FAM151B: variants seen among roughly 807,000 people sequenced by gnomAD.
FAM151B encodes the protein family with sequence similarity 151 member B, also known as protein FAM151B.
A neutral mutation model predicts 31.2 loss-of-function variants in FAM151B; 24 were observed. That is an observed-to-expected ratio of 0.77 (90% CI 0.56 to 1.08). FAM151B has a LOEUF of 1.08. Ranked by LOEUF, FAM151B falls within the 50% of genes least tolerant of loss-of-function variation. The pLI is 0.00. For missense variants in FAM151B, 293 were observed against 328.6 expected (o/e 0.89, Z 0.84); for synonymous variants, 105 against 111.4 (o/e 0.94, Z 0.36).
intron 5 of FAM151B, among the ~76,000 whole-genome samples, chr5:80,532,496 A>T (rs1385051254): frequency 6.6e-6 from 1 of 152,216 alleles, no homozygotes. Flanking sequence ...GAGCACCCAG[A>T]TATATAAAGC....
At position 80,538,426 on chromosome 5, in the gene FAM151B, T is replaced by TTCTTTCTTTCTTTCTTTC. The variant is rs1561383305; in HGVS notation, c.672-3245_672-3228dup. 4.7e-3 allele frequency among the ~76,000 whole-genome samples: 264 copies of TTCTTTCTTTCTTTCTTTC among 56,360 alleles called. 1 individual carries two copies. The highest frequency in any genetic ancestry group is 8.5e-3 in the Middle Eastern group (1 of 118). The allele number at this position is 56,360 out of a possible 152,430, so 37.0% of individuals were successfully genotyped here. A position where few individuals can be genotyped will look rare whatever the true frequency, so the allele number is the denominator to read the frequency against. ...TTTCTTTCTTTCTTTCTTTCTTTCT[T>TTCTTTCTTTCTTTCTTTC]TCTTTCTTTCTTTCTTTCTTTCTCT... On this transcript the variant is annotated intron_variant, in intron 5 of 5. Coordinates refer to ENST00000282226, the MANE Select transcript of FAM151B (RefSeq NM_205548.3).
At chr5:80,530,640 C>A (rs558635166) in intron 5 of FAM151B, among the ~76,000 whole-genome samples, 2 of 152,238 alleles carry the variant, frequency 1.3e-5, no homozygotes, top group African/African-American at 2.4e-5. Flanking sequence ...TTCACAATTG[C>A]TTCAAAGAGA....
rs755735123 is a variant in FAM151B at position 80,522,052 on chromosome 5, AAGTC to A, written c.588_591del (p.Gln197LeufsTer2). The A allele has an allele frequency of 6.8e-6, 11 of 1,612,590 alleles. No homozygotes were observed. The highest frequency in any genetic ancestry group is 9.3e-6 in the Non-Finnish European group (11 of 1,178,838). ...AGATGGAATATATATGTAATGAACT[AAGTC>A]AGCCTGTAACGTTCCCTGTCAGAGC... On this transcript the variant is annotated frameshift_variant, in exon 5 of 6. Coordinates refer to ENST00000282226, the MANE Select transcript of FAM151B (RefSeq NM_205548.3). LOFTEE classifies it high-confidence loss of function.
chr5:80,507,892 A>G (rs1744033780), intron 2 of FAM151B, among the ~76,000 whole-genome samples: 1 of 152,026 alleles, frequency 6.6e-6, no homozygotes, highest in Admixed American at 6.6e-5. Context: ...GCTGTCACAC[A>G]CATTCTTTCC....
chr5:80,488,299 C>A, intron 1 of FAM151B, 151 bp downstream of exon 1: 1 of 1,036,538 alleles, frequency 9.6e-7, no homozygotes, highest in African/African-American at 1.7e-5. Context: ...TTGGAGCCCG[C>A]TCTGCACTCG....
intron 5 of FAM151B, among the ~76,000 whole-genome samples, chr5:80,538,464 T>TTCTTTC (rs1745675922): frequency 1.8e-5 from 2 of 108,314 alleles, no homozygotes; most frequent in Admixed American, 9.3e-5. Flanking sequence ...CTTTCTTTCT[T>TTCTTTC]TCTTTCTTTC....
chr5:80,524,584 A>C (rs1480836566), intron 5 of FAM151B, among the ~76,000 whole-genome samples: 1 of 152,144 alleles, frequency 6.6e-6, no homozygotes, highest in East Asian at 1.9e-4. Context: ...ACTACAGAAC[A>C]TTATCATTAG....
intron 1 of FAM151B, among the ~76,000 whole-genome samples, chr5:80,496,858 CGGA>C (rs934913734): frequency 8.0e-6 from 1 of 124,694 alleles, no homozygotes; most frequent in African/African-American, 3.1e-5. Flanking sequence ...TCACCCAAGC[CGGA>C]GTGCAGTGGT....
chr5:80,516,346 T>A (rs1041537067), intron 3 of FAM151B, among the ~76,000 whole-genome samples: 27 of 152,282 alleles, frequency 1.8e-4, no homozygotes, highest in Middle Eastern at 3.4e-3. Context: ...ATTATATTTT[T>A]AAATTTTATC....
intron 5 of FAM151B, among the ~76,000 whole-genome samples, chr5:80,535,318 TG>T (rs1745443873): frequency 6.6e-6 from 1 of 152,250 alleles, no homozygotes; most frequent in Non-Finnish European, 1.5e-5. Context: ...TGAACAAAAC[TG>T]GAAGAATCAC....
chr5:80,502,019 C>G, intron 2 of FAM151B, 102 bp downstream of exon 2: 1 of 793,854 alleles, frequency 1.3e-6, no homozygotes, highest in Non-Finnish European at 1.8e-6. Flanking sequence ...ACAGGTGATC[C>G]AAGTGTAAGT....
intron 5 of FAM151B, among the ~76,000 whole-genome samples, chr5:80,524,397 A>G (rs1280818545): frequency 3.9e-5 from 6 of 152,140 alleles, no homozygotes; most frequent in Admixed American, 2.6e-4. Context: ...AATATTAACT[A>G]TAGTCCTCCT....
intron 5 of FAM151B, among the ~76,000 whole-genome samples, chr5:80,526,227 A>T: frequency 6.6e-6 from 1 of 152,108 alleles, no homozygotes. Flanking sequence ...GGACTCACTC[A>T]GTTCTAACCT....
intron 1 of FAM151B, chr5:80,498,507 G>T: frequency 2.4e-6 from 2 of 825,846 alleles, no homozygotes; most frequent in Non-Finnish European, 1.9e-6. Flanking sequence ...GTTAGCTCAT[G>T]TCTTTTATTA....
chr5:80,539,855 A>G (rs1227609069), intron 5 of FAM151B, among the ~76,000 whole-genome samples: 1 of 151,928 alleles, frequency 6.6e-6, no homozygotes. Context: ...AAAGTTTTAA[A>G]TTTACAGAAA....
chr5:80,520,035 G>C lies in FAM151B; in HGVS notation c.535+125G>C, dbSNP rs1328139291. The C allele has an allele frequency of 4.5e-5, 37 of 823,934 alleles. No individual in the cohort carries two copies. In the Admixed American group the frequency reaches 9.9e-4, roughly 22 times the overall value. 51.0% of individuals were successfully genotyped at this position (823,934 alleles called of 1,614,324 possible). ...CTAAGCCTGATGGAAAAAAAGGCCT[G>C]ACCCTTCAGGTATGTGCAGACCCTT... On this transcript the variant is annotated intron_variant, in intron 4 of 5. Coordinates refer to ENST00000282226, the MANE Select transcript of FAM151B (RefSeq NM_205548.3).
At chr5:80,511,979 T>C (rs78124122) in intron 2 of FAM151B, among the ~76,000 whole-genome samples, 1,801 of 152,334 alleles carry the variant, frequency 0.012, 30 homozygotes, top group African/African-American at 0.04. Context: ...TTTGCATTGT[T>C]TCTGGTATTG....
At chr5:80,512,204 C>A (rs1348663490) in intron 2 of FAM151B, among the ~76,000 whole-genome samples, 1 of 152,136 alleles carries the variant, frequency 6.6e-6, no homozygotes, top group African/African-American at 2.4e-5. Context: ...GATCACAGTT[C>A]TTTGGGTGAC....
chr5:80,524,909 A>G (rs972183322), intron 5 of FAM151B, among the ~76,000 whole-genome samples: 3 of 152,204 alleles, frequency 2.0e-5, no homozygotes, highest in African/African-American at 7.2e-5. Flanking sequence ...GATCTTTAGC[A>G]TTTAAAATAA....
Sources: gnomAD v4.1 joint callset for allele counts (sites outside exome capture counted in the v4.1 genomes callset) on GRCh38, gnomAD v4.1.1 for gene constraint, MANE v1.5 for transcripts, NCBI Gene and HGNC (gene_info 2026-07-23, HGNC 2026-07-21) for gene names.